The following ATP8B4 variants were observed in gnomAD, a reference collection of about 807,000 sequenced individuals.
ATP8B4 encodes probable phospholipid-transporting ATPase IM.
ATP8B4 carries 133 observed loss-of-function variants against 145.6 expected under a neutral mutation model. The ratio of observed to expected loss-of-function variants is 0.91; its 90% CI spans 0.79 to 1.05. The LOEUF (loss-of-function observed/expected upper bound fraction) is 1.05, where lower values mean the gene tolerates loss of function less well. ATP8B4 is among the 50% of genes least tolerant of loss of function. The pLI, the probability that ATP8B4 is intolerant of heterozygous loss-of-function variation, is 0.00. For synonymous variants in ATP8B4, 507 were observed against 492.9 expected, an observed-to-expected ratio of 1.03 and a Z score of -0.38; for missense variants, 1,458 against 1,425.2, an observed-to-expected ratio of 1.02 and a Z score of -0.37.
intron 3 of ATP8B4, among the ~76,000 whole-genome samples, chr15:50,066,843 A>C (rs1054111262): frequency 6.6e-6 from 1 of 152,006 alleles, no homozygotes; most frequent in Non-Finnish European, 1.5e-5. Flanking sequence ...AACTTTCTTA[A>C]AAAATTAAAA....
At position 49,866,437 on chromosome 15, in the gene ATP8B4, G is replaced by T; in HGVS notation, c.3075C>A (p.Ile1025=). Reference sequence around the variant, plus strand: ...AGAAATAAATGGCAATGCTCCCCCAGATGAAGACGTGATTAATGAAAGTCC... The same window carrying T: ...AGAAATAAATGGCAATGCTCCCCCATATGAAGACGTGATTAATGAAAGTCC... ...SYWTFINHVF[I]WGSIAIYFSI... Residue 1025 remains isoleucine (I), a synonymous_variant, in exon 26 of 28, where the codon ATC becomes ATA. Transcript: ENST00000284509. The T allele has an allele frequency of 6.2e-7, 1 of 1,613,640 alleles. No homozygotes were observed. Among genetic ancestry groups the T allele is most frequent in the Non-Finnish European group, 8.5e-7 (1 of 1,179,538 alleles).
At chr15:49,900,443 T>G (rs1291109303) in intron 21 of ATP8B4, among the ~76,000 whole-genome samples, 1 of 152,238 alleles carries the variant, frequency 6.6e-6, no homozygotes, top group African/African-American at 2.4e-5. Context: ...AATTATAATT[T>G]CACTGGAGCG....
chr15:50,068,522 C>T (rs948844470), intron 3 of ATP8B4, among the ~76,000 whole-genome samples: 6 of 152,160 alleles, frequency 3.9e-5, no homozygotes, highest in South Asian at 2.1e-4. Context: ...CTGGTTAAAT[C>T]TTCATCAATT....
At chr15:49,936,838 A>C (rs2041776045) in intron 14 of ATP8B4, among the ~76,000 whole-genome samples, 1 of 151,116 alleles carries the variant, frequency 6.6e-6, no homozygotes, top group Non-Finnish European at 1.5e-5. Context: ...TGATGTTCTG[A>C]GTCTTTCTTT....
chr15:49,861,329 C>T (rs1192038926), intron 27 of ATP8B4, among the ~76,000 whole-genome samples: 1 of 151,926 alleles, frequency 6.6e-6, no homozygotes, highest in Non-Finnish European at 1.5e-5. Flanking sequence ...TGACAAGGGA[C>T]TCCGAATTTT....
At chr15:50,074,977 G>C (rs1424207042) in intron 2 of ATP8B4, among the ~76,000 whole-genome samples, 1 of 152,170 alleles carries the variant, frequency 6.6e-6, no homozygotes, top group Non-Finnish European at 1.5e-5. Context: ...TATGAGAAAA[G>C]AGTCAGCAAG....
chr15:49,968,539 A>C (rs1488584831), intron 13 of ATP8B4, among the ~76,000 whole-genome samples: 1 of 152,234 alleles, frequency 6.6e-6, no homozygotes, highest in Non-Finnish European at 1.5e-5. Flanking sequence ...GGCATTACAT[A>C]ATGGTAAAGG....
In ATP8B4 at chr15:49,972,809, G is replaced by GA. The variant is rs773236845; in HGVS notation, c.1035-20dup. ...TTCCACACTATCATCCATTAAAATG[G>GA]AAAAAAAGAAAGAAATGCTCCATTA... On this transcript the variant is annotated intron_variant, in intron 12 of 27. Coordinates refer to ENST00000284509, the MANE Select transcript of ATP8B4 (RefSeq NM_024837.4). 9 of 1,595,270 alleles carry GA rather than the reference G, an allele frequency of 5.6e-6. No individual in the cohort carries two copies. Among genetic ancestry groups the GA allele is most frequent in the East Asian group, 2.2e-5 (1 of 44,742 alleles).
intron 1 of ATP8B4, among the ~76,000 whole-genome samples, chr15:50,108,479 C>A (rs552878076): frequency 1.3e-5 from 2 of 152,292 alleles, no homozygotes; most frequent in African/African-American, 2.4e-5. Flanking sequence ...ATCTTTCCAG[C>A]CTGTTTCCTC....
intron 4 of ATP8B4, among the ~76,000 whole-genome samples, chr15:50,045,807 A>T (rs758058435): frequency 6.6e-6 from 1 of 152,192 alleles, no homozygotes; most frequent in Non-Finnish European, 1.5e-5. Flanking sequence ...ATAAAATTCT[A>T]TGAACAAGAG....
At chr15:50,122,616 C>T (rs79324355), upstream of ATP8B4, among the ~76,000 whole-genome samples, 1,633 of 152,216 alleles carry the variant, frequency 0.011, 13 homozygotes, top group Non-Finnish European at 0.019. Context: ...TGGTGTCAGC[C>T]TAAACAGCAG....
At chr15:49,944,372 G>C (rs1361565821) in intron 14 of ATP8B4, among the ~76,000 whole-genome samples, 2 of 152,018 alleles carry the variant, frequency 1.3e-5, no homozygotes, top group Admixed American at 6.6e-5. Context: ...TGAAGGGATG[G>C]AAAAAAATAT....
intron 2 of ATP8B4, among the ~76,000 whole-genome samples, chr15:50,090,643 T>C (rs894572737): frequency 6.6e-6 from 1 of 152,242 alleles, no homozygotes; most frequent in African/African-American, 2.4e-5. Context: ...CATTTCTGTT[T>C]CGTTTTTAAA....
At chr15:50,084,991 T>G (rs1472100214) in intron 2 of ATP8B4, among the ~76,000 whole-genome samples, 1 of 152,180 alleles carries the variant, frequency 6.6e-6, no homozygotes, top group Non-Finnish European at 1.5e-5. Flanking sequence ...TTCTGGGACG[T>G]CATTGGGGCA....
chr15:50,032,804 T>C (rs2050549102), intron 6 of ATP8B4, among the ~76,000 whole-genome samples: 1 of 152,006 alleles, frequency 6.6e-6, no homozygotes, highest in African/African-American at 2.4e-5. Flanking sequence ...AATCTTGGCA[T>C]AGAAAAAAAG....
chr15:50,105,593 C>T (rs1394632587), intron 2 of ATP8B4, among the ~76,000 whole-genome samples: 3 of 151,868 alleles, frequency 2.0e-5, no homozygotes, highest in Non-Finnish European at 4.4e-5. Context: ...ATATTTGGAT[C>T]GATATACACA....
chr15:50,086,781 TAATAA>T lies in ATP8B4; in HGVS notation c.29-12601_29-12597del, dbSNP rs1254300657. Among the ~76,000 whole-genome samples, 257 of 51,970 alleles carry T rather than the reference TAATAA, an allele frequency of 4.9e-3. 51 individuals are homozygous for T. Among genetic ancestry groups the T allele is most frequent in the African/African-American group, 0.048 (229 of 4,812 alleles). The allele number at this position is 51,970 out of a possible 152,430, so 34.1% of individuals were successfully genotyped here. A position where few individuals can be genotyped will look rare whatever the true frequency, so the allele number is the denominator to read the frequency against. On this transcript the variant is annotated intron_variant, in intron 2 of 27. Coordinates refer to ENST00000284509, the MANE Select transcript of ATP8B4 (RefSeq NM_024837.4). ...TAATAGAGATCTATATTATTATATA[TAATAA>T]AATAATATAGAGATCTATATTTATT...
rs2042799782 is a variant in ATP8B4 at position 49,948,726 on chromosome 15, A to G, written c.1287+13251T>C. ...CTTTGTCAGATGGGTAGATTGCAAA[A>G]TTTTTCTCCCATTCTGTAGGTAGCC... On this transcript the variant is annotated intron_variant, in intron 14 of 27. Coordinates refer to ENST00000284509, the MANE Select transcript of ATP8B4 (RefSeq NM_024837.4). Among the ~76,000 whole-genome samples, 3 of 151,958 alleles carry G rather than the reference A, an allele frequency of 2.0e-5. No individual in the cohort carries two copies. The South Asian group carries it at 6.2e-4, about 31-fold the overall frequency.
chr15:50,001,007 C>T, intron 8 of ATP8B4, among the ~76,000 whole-genome samples: 1 of 151,898 alleles, frequency 6.6e-6, no homozygotes, highest in East Asian at 1.9e-4. Context: ...TCTTCAGGAT[C>T]TATACCAAAT....
Sources: gnomAD v4.1 joint callset for allele counts (sites outside exome capture counted in the v4.1 genomes callset) on GRCh38, gnomAD v4.1.1 for gene constraint, MANE v1.5 for transcripts, NCBI Gene and HGNC (gene_info 2026-07-23, HGNC 2026-07-21) for gene names.